The following ACOXL variants were observed in gnomAD, a reference collection of about 807,000 sequenced individuals.
ACOXL encodes acyl-CoA oxidase like.
In ACOXL, 70 loss-of-function variants were observed where a neutral mutation model predicts 71.9. That is an observed-to-expected ratio of 0.97 (90% CI 0.80 to 1.19). ACOXL has a LOEUF of 1.19. Ranked by LOEUF, ACOXL falls within the 50% of genes most tolerant of loss-of-function variation. ACOXL has a pLI of 0.00. For missense variants in ACOXL, 703 were observed against 736.3 expected (o/e 0.95, Z 0.52); for synonymous variants, 253 against 281.6 (o/e 0.90, Z 1.02).
At chr2:111,108,120 G>A (rs944624482) in intron 17 of ACOXL, among the ~76,000 whole-genome samples, 3 of 151,754 alleles carry the variant, frequency 2.0e-5, no homozygotes, top group Non-Finnish European at 2.9e-5. Context: ...AAAATGTATC[G>A]GGTTTTTCAT....
At chr2:110,890,198 A>G (rs989073564) in intron 10 of ACOXL, among the ~76,000 whole-genome samples, 6 of 152,200 alleles carry the variant, frequency 3.9e-5, no homozygotes, top group African/African-American at 9.6e-5. Flanking sequence ...TATATATTCC[A>G]GATATCATTC....
chr2:110,984,046 A>G (rs1017355941), intron 12 of ACOXL, among the ~76,000 whole-genome samples: 1 of 151,952 alleles, frequency 6.6e-6, no homozygotes, highest in Admixed American at 6.5e-5. Context: ...GGGTTTCACT[A>G]TGTTGGCTAG....
At chr2:110,996,367 T>A (rs2063397372) in intron 14 of ACOXL, among the ~76,000 whole-genome samples, 1 of 152,188 alleles carries the variant, frequency 6.6e-6, no homozygotes, top group South Asian at 2.1e-4. Context: ...CAGGCATATG[T>A]AAAAATTAAC....
At chr2:110,919,815 A>C (rs1178691402) in intron 11 of ACOXL, among the ~76,000 whole-genome samples, 3 of 152,194 alleles carry the variant, frequency 2.0e-5, no homozygotes, top group Non-Finnish European at 4.4e-5. Context: ...TAAAATATGT[A>C]GTCTTTTGGA....
Position 111,085,083 on chromosome 2 carries a change from G to A in ACOXL, c.1441-7782G>A, listed in dbSNP as rs140040753. 3.1e-3 allele frequency among the ~76,000 whole-genome samples: 478 copies of A among 152,210 alleles called. 2 individuals are homozygous for A. The highest frequency in any genetic ancestry group is 5.9e-3 in the Non-Finnish European group (399 of 67,994). On this transcript the variant is annotated intron_variant, in intron 16 of 17. Transcript: ENST00000439055. ...AGGAACACCCAGATTCATAAAGCAG[G>A]TTCTTAAGAGACCTATGAAGAGACT...
chr2:111,007,501 T>C (rs1185900023), intron 14 of ACOXL, among the ~76,000 whole-genome samples: 5 of 152,204 alleles, frequency 3.3e-5, no homozygotes, highest in Non-Finnish European at 5.9e-5. Context: ...ATATTATGAT[T>C]TATTTATTTT....
At chr2:110,780,626 G>A (rs1482168596) in intron 2 of ACOXL, among the ~76,000 whole-genome samples, 2 of 152,156 alleles carry the variant, frequency 1.3e-5, no homozygotes, top group African/African-American at 4.8e-5. Context: ...GATATCCTTA[G>A]TTTAACATAG....
rs542342003 is a variant in ACOXL at position 110,974,038 on chromosome 2, G to A, written c.1060-13070G>A. 2.0e-5 allele frequency among the ~76,000 whole-genome samples: 3 copies of A among 152,274 alleles called. No individual in the cohort carries two copies. In the East Asian group the frequency reaches 5.8e-4, roughly 29 times the overall value. ...TTGGACCCGGAGTTTTCTGCTGCTG[G>A]GCATCCAGGGGTGATGCCTCCACAG... On this transcript the variant is annotated intron_variant, in intron 12 of 17. Coordinates refer to ENST00000439055, the MANE Select transcript of ACOXL (RefSeq NM_001142807.4).
rs191419489 is a variant in ACOXL, at chr2:110,753,519, C to G, written c.-22-14849C>G. 1.4e-4 allele frequency among the ~76,000 whole-genome samples: 22 copies of G among 152,236 alleles called. No homozygotes were observed. The East Asian group carries it at 3.9e-3, about 27-fold the overall frequency. On this transcript the variant is annotated intron_variant, in intron 1 of 17. Transcript: ENST00000439055. ...CCACAAGAGCACAGTACAATGTTTC[C>G]TAGGTTAATATATGTCATTTATTGT... is the stretch of plus-strand genomic sequence containing the variant.
At chr2:111,013,207 C>T (rs1304747422) in intron 14 of ACOXL, among the ~76,000 whole-genome samples, 2 of 151,998 alleles carry the variant, frequency 1.3e-5, no homozygotes, top group African/African-American at 4.8e-5. Flanking sequence ...TGGAAAAATA[C>T]AGCTCTCAAA....
chr2:110,745,343 TGCTCTTCCTTGCAGTGGTCACTGG>T (rs1422100804), intron 1 of ACOXL, among the ~76,000 whole-genome samples: 1 of 152,194 alleles, frequency 6.6e-6, no homozygotes, highest in Admixed American at 6.5e-5. Context: ...AGCTGGCCAT[TGCTCTTCCTTGCAGTGGTCACTGG>T]GGCCAGGAGC....
intron 14 of ACOXL, chr2:111,018,210 T>A (rs1271852968): frequency 6.6e-6 from 1 of 151,614 alleles, no homozygotes; most frequent in African/African-American, 2.4e-5. Context: ...GCAGGGGAAG[T>A]GCAGGGAGAG....
chr2:110,886,149 A>G (rs941755224), intron 10 of ACOXL, among the ~76,000 whole-genome samples: 5 of 152,268 alleles, frequency 3.3e-5, no homozygotes, highest in Admixed American at 2.6e-4. Context: ...ACGAAGGCAC[A>G]TGTGCTACCT....
chr2:110,998,429 CAAAG>C (rs2063487934), intron 14 of ACOXL, among the ~76,000 whole-genome samples: 1 of 152,218 alleles, frequency 6.6e-6, no homozygotes, highest in African/African-American at 2.4e-5. Flanking sequence ...TCAGAAGACT[CAAAG>C]ACACTCCAGT....
chr2:110,995,840 A>G, intron 13 of ACOXL, 53 bp from the exon 14 acceptor site: 1 of 1,413,622 alleles, frequency 7.1e-7, no homozygotes, highest in Non-Finnish European at 1.0e-6. Flanking sequence ...CTTTCAAATG[A>G]AATTCTTGGT....
intron 10 of ACOXL, among the ~76,000 whole-genome samples, chr2:110,891,450 A>G (rs1029662673): frequency 6.6e-5 from 10 of 151,384 alleles, no homozygotes; most frequent in Non-Finnish European, 1.0e-4. Flanking sequence ...GAATTAGGTG[A>G]AACTTGTTTT....
intron 16 of ACOXL, among the ~76,000 whole-genome samples, chr2:111,076,151 A>G (rs1431822014): frequency 1.3e-5 from 2 of 152,310 alleles, no homozygotes; most frequent in East Asian, 3.9e-4. Context: ...CATTCTGTCT[A>G]TCGACTGATA....
chr2:111,065,204 T>C (rs2067006681), intron 16 of ACOXL, among the ~76,000 whole-genome samples: 1 of 152,194 alleles, frequency 6.6e-6, no homozygotes, highest in Non-Finnish European at 1.5e-5. Flanking sequence ...CATACCAACA[T>C]GCCCAACTGA....
chr2:110,921,399 CCT>C (rs1491475452), intron 11 of ACOXL, among the ~76,000 whole-genome samples: 125 of 122,902 alleles, frequency 1.0e-3, no homozygotes, highest in African/African-American at 3.8e-3. Flanking sequence ...CCCCCCCCCC[CCT>C]TTTTTTTTTG....
Sources: gnomAD v4.1 joint callset for allele counts (sites outside exome capture counted in the v4.1 genomes callset) on GRCh38, gnomAD v4.1.1 for gene constraint, MANE v1.5 for transcripts, NCBI Gene and HGNC (gene_info 2026-07-23, HGNC 2026-07-21) for gene names.